Variants in RUNDC1 observed in about 807,000 individuals in gnomAD.
The protein encoded by RUNDC1 is RUN domain containing 1, also known as RUN domain-containing protein 1.
A neutral mutation model predicts 49.3 loss-of-function variants in RUNDC1; 31 were observed. That is an observed-to-expected ratio of 0.63 (90% CI 0.47 to 0.85). The LOEUF (loss-of-function observed/expected upper bound fraction) is 0.85. RUNDC1 is among the 40% of genes least tolerant of loss of function. The pLI is 0.00. For synonymous variants in RUNDC1, 347 were observed against 348.6 expected (o/e 1.00, Z 0.05); for missense variants, 715 against 806.7 (o/e 0.89, Z 1.38).
At position 42,989,542 on chromosome 17, in the gene RUNDC1, TAGA is replaced by T. The variant is rs1192158553; in HGVS notation, c.856+4_856+6del. ...GATGTTTATCAACTTCATCCAAGGT[TAGA>T]GGAGGGGATGGGATGAGAAGGGTGG... On this transcript the variant is annotated splice_donor_5th_base_variant and intron_variant, in intron 3 of 4. Coordinates refer to ENST00000361677, the MANE Select transcript of RUNDC1 (RefSeq NM_173079.5). 1.2e-6 allele frequency: 2 copies of T among 1,613,186 alleles called. No homozygotes were observed. The highest frequency in any genetic ancestry group is 1.7e-6 in the Non-Finnish European group (2 of 1,179,152).
At chr17:42,987,171 G>A in intron 1 of RUNDC1, 85 bp from the exon 2 acceptor site, 1 of 871,974 alleles carries the variant, frequency 1.1e-6, no homozygotes, top group South Asian at 1.6e-5. Context: ...ATATTTTATT[G>A]GTCATTACTG....
In RUNDC1 at chr17:42,992,058, C is replaced by CA; in HGVS notation, c.*349dup. On this transcript the variant is annotated 3_prime_UTR_variant, in exon 5 of 5. Transcript: ENST00000361677. ...TGAAACCCCATCTCTACTAAAAATA[C>CA]AAAAAAATTAGTCGGACATGGTGGC... 1 of 207,132 alleles carries CA rather than the reference C, an allele frequency of 4.8e-6. No homozygotes were observed. Among genetic ancestry groups the CA allele is most frequent in the Non-Finnish European group, 9.9e-6 (1 of 101,138 alleles). 12.8% of individuals were successfully genotyped at this position (207,132 alleles called of 1,614,324 possible). A position where few individuals can be genotyped will look rare whatever the true frequency, so the allele number is the denominator to read the frequency against.
intron 1 of RUNDC1, among the ~76,000 whole-genome samples, chr17:42,987,000 A>C (rs2050180429): frequency 3.3e-5 from 5 of 152,230 alleles, no homozygotes; most frequent in Admixed American, 2.6e-4. Flanking sequence ...GGCAGTCTTA[A>C]CAAAAAGCCT....
In RUNDC1 at chr17:42,987,272, A is replaced by G. The variant is rs781505914; in HGVS notation, c.515A>G (p.Gln172Arg). ...TTGCCTTAGAGTGAGCAGGAAAAGCAAGAGCGTCTGGAAACCCAAAGGGAG... is the reference window on the plus strand; with the variant it reads ...TTGCCTTAGAGTGAGCAGGAAAAGCGAGAGCGTCTGGAAACCCAAAGGGAG... ...RGEDQSEQEK[Q>R]ERLETQREKQ... The change falls in exon 2 of 5, where the codon CAA (glutamine) becomes CGA (arginine). Residue 172 changes from glutamine to arginine, a missense_variant. Transcript: ENST00000361677. 1 of 1,614,158 alleles carries G rather than the reference A, an allele frequency of 6.2e-7. No homozygotes were observed. Among genetic ancestry groups the G allele is most frequent in the Non-Finnish European group, 8.5e-7 (1 of 1,180,006 alleles).
rs2050070525 is a variant in RUNDC1 at position 42,980,918 on chromosome 17, G to C, written c.342G>C (p.Gly114=). The C allele has an allele frequency of 2.0e-6, 3 of 1,530,910 alleles. No individual in the cohort carries two copies. The highest frequency in any genetic ancestry group is 2.6e-6 in the Non-Finnish European group (3 of 1,145,340). The allele number at this position is 1,530,910 out of a possible 1,614,324, so 94.8% of individuals were successfully genotyped here. ...VQFRLRQVVR[G]APAEQQRLLR... is the part of the protein sequence containing the mutation. Reference sequence around the variant, plus strand: ...TCCGCCTGCGCCAGGTGGTGCGCGGGGCGCCGGCGGAGCAGCAGCGCCTTC... The same window carrying C: ...TCCGCCTGCGCCAGGTGGTGCGCGGCGCGCCGGCGGAGCAGCAGCGCCTTC... The change falls in exon 1 of 5, where the codon GGG becomes GGC. Residue 114 remains glycine, a synonymous_variant. Coordinates refer to ENST00000361677, the MANE Select transcript of RUNDC1 (RefSeq NM_173079.5).
Position 42,993,222 on chromosome 17 carries a change from T to A in RUNDC1, c.*1506T>A, listed in dbSNP as rs1195722965. On this transcript the variant is annotated 3_prime_UTR_variant, in exon 5 of 5. Transcript: ENST00000361677. ...GCTGTTTCCAGAACGGGGAGGAGTA[T>A]CTCATTGTGAAACAGACTCTAGAGT... The A allele has an allele frequency of 6.6e-6, 1 of 152,126 alleles. No homozygotes were observed. The allele number at this position is 152,126 out of a possible 1,614,324, so 9.4% of individuals were successfully genotyped here.
chr17:42,993,571 A>G lies in RUNDC1; in HGVS notation c.*1855A>G, dbSNP rs1318869004. ...GGAAAATGATACATATGTGGATGCTAATGAAATCATAGTATTTTGTGTAGC... is the reference window on the plus strand; with the variant it reads ...GGAAAATGATACATATGTGGATGCTGATGAAATCATAGTATTTTGTGTAGC... On this transcript the variant is annotated 3_prime_UTR_variant, in exon 5 of 5. Coordinates refer to ENST00000361677, the MANE Select transcript of RUNDC1 (RefSeq NM_173079.5). 6.6e-6 allele frequency: 1 copy of G among 152,230 alleles called. No homozygotes were observed. The highest frequency in any genetic ancestry group is 1.9e-4 in the East Asian group (1 of 5,200). 9.4% of individuals were successfully genotyped at this position (152,230 alleles called of 1,614,324 possible). A position where few individuals can be genotyped will look rare whatever the true frequency, so the allele number is the denominator to read the frequency against.
Position 42,994,301 on chromosome 17 carries a change from A to G in RUNDC1, c.*2585A>G, listed in dbSNP as rs747126629. On this transcript the variant is annotated 3_prime_UTR_variant, in exon 5 of 5. Coordinates refer to ENST00000361677, the MANE Select transcript of RUNDC1 (RefSeq NM_173079.5). ...ACTTGTATTAAGGCTTTGTGCTAGC[A>G]TTACAGGAAGCATTTTCATTTGTCT... Among the ~76,000 whole-genome samples the G allele has an allele frequency of 2.6e-5, 4 of 152,220 alleles. No homozygotes were observed. Among genetic ancestry groups the G allele is most frequent in the Non-Finnish European group, 5.9e-5 (4 of 68,040 alleles).
intron 1 of RUNDC1, among the ~76,000 whole-genome samples, chr17:42,984,012 C>G (rs1318346464): frequency 6.6e-6 from 1 of 151,892 alleles, no homozygotes; most frequent in Non-Finnish European, 1.5e-5. Context: ...CTCTGTTGCC[C>G]AGGCTGGTGT....
chr17:42,985,596 T>G, intron 1 of RUNDC1: 3 of 432,420 alleles, frequency 6.9e-6, no homozygotes, highest in Non-Finnish European at 5.5e-6. Flanking sequence ...GTTAATTTGT[T>G]GTTTTCTTTT....
rs34886583 is a variant in RUNDC1, at chr17:42,987,278, G to A, written c.521G>A (p.Arg174His). ...TAGAGTGAGCAGGAAAAGCAAGAGCGTCTGGAAACCCAAAGGGAGAAGCAG... is the reference window on the plus strand; with the variant it reads ...TAGAGTGAGCAGGAAAAGCAAGAGCATCTGGAAACCCAAAGGGAGAAGCAG... The part of the protein sequence containing the change: ...EDQSEQEKQE[R>H]LETQREKQKE... Residue 174 changes from arginine to histidine, a missense_variant, in exon 2 of 5, where the codon CGT becomes CAT. This residue lies in a region of RUNDC1 where 113 missense variants were observed against 93.4 expected (regional missense o/e 1.21). Coordinates refer to ENST00000361677, the MANE Select transcript of RUNDC1 (RefSeq NM_173079.5). The A allele has an allele frequency of 8.4e-3, 13,510 of 1,614,002 alleles. 82 individuals are homozygous for A. Among genetic ancestry groups the A allele is most frequent in the Non-Finnish European group, 0.01 (11,826 of 1,179,956 alleles).
chr17:42,981,156 A>C, intron 1 of RUNDC1, 82 bp downstream of exon 1: 1 of 1,445,164 alleles, frequency 6.9e-7, no homozygotes, highest in Non-Finnish European at 9.1e-7. Flanking sequence ...ATGATGGTGC[A>C]TGCGGGGAGA....
At chr17:42,983,821 G>A (rs1429614832) in intron 1 of RUNDC1, among the ~76,000 whole-genome samples, 4 of 150,054 alleles carry the variant, frequency 2.7e-5, no homozygotes, top group Non-Finnish European at 4.4e-5. Context: ...ACAGGTGCCC[G>A]TCACCACGCC....
chr17:42,990,984 G>A lies in RUNDC1; in HGVS notation c.1110G>A (p.Gln370=). ...GCCAGATCCCTCCAACCCTGTGGCAGAGGGTCCAGGCTGACAGAGACTACT... is the reference window on the plus strand; with the variant it reads ...GCCAGATCCCTCCAACCCTGTGGCAAAGGGTCCAGGCTGACAGAGACTACT... ...ATGQIPPTLW[Q]RVQADRDYSP... is the part of the protein sequence containing the mutation. Residue 370 remains glutamine (Q), a synonymous_variant, in exon 5 of 5, where the codon CAG becomes CAA. Transcript: ENST00000361677. 1 of 1,614,214 alleles carries A rather than the reference G, an allele frequency of 6.2e-7. No individual in the cohort carries two copies. The highest frequency in any genetic ancestry group is 1.7e-5 in the Admixed American group (1 of 60,028).
chr17:42,984,360 A>C (rs1010427353), intron 1 of RUNDC1, among the ~76,000 whole-genome samples: 5 of 149,858 alleles, frequency 3.3e-5, no homozygotes, highest in Admixed American at 6.7e-5. Context: ...AGCTCACTGC[A>C]ACCTCCACCT....
rs1043580883 is a variant in RUNDC1, at chr17:42,981,293, G to T, written c.498+219G>T. On this transcript the variant is annotated intron_variant, in intron 1 of 4. Transcript: ENST00000361677. ...GTGAGCGGTGTGCACGGAGGATGTGGAGAGATGTCGGTGCGTGATGACGTG... is the reference window on the plus strand; with the variant it reads ...GTGAGCGGTGTGCACGGAGGATGTGTAGAGATGTCGGTGCGTGATGACGTG... The T allele has an allele frequency of 2.2e-5, 13 of 585,924 alleles. No homozygotes were observed. The African/African-American group carries it at 2.6e-4, about 12-fold the overall frequency. The allele number at this position is 585,924 out of a possible 1,614,324, so 36.3% of individuals were successfully genotyped here.
chr17:42,987,913 G>C (rs1261735668), intron 2 of RUNDC1, among the ~76,000 whole-genome samples: 4 of 151,754 alleles, frequency 2.6e-5, no homozygotes, highest in African/African-American at 9.7e-5. Context: ...CCACCATGCT[G>C]GGCTAATTTT....
At position 42,989,322 on chromosome 17, in the gene RUNDC1, T is replaced by C. The variant is rs775961681; in HGVS notation, c.658-19T>C. On this transcript the variant is annotated intron_variant, in intron 2 of 4. Transcript: ENST00000361677. ...CTAAAAATTCCAAAGGGTGTGCTCATTGCTTGTGATCTTGGTAGGTGATCA... is the reference window on the plus strand; with the variant it reads ...CTAAAAATTCCAAAGGGTGTGCTCACTGCTTGTGATCTTGGTAGGTGATCA... The C allele has an allele frequency of 4.2e-5, 67 of 1,605,900 alleles. No individual in the cohort carries two copies. Among genetic ancestry groups the C allele is most frequent in the Non-Finnish European group, 5.5e-5 (64 of 1,173,472 alleles).
chr17:42,987,251 CT>C lies in RUNDC1; in HGVS notation c.499-3del. The C allele has an allele frequency of 6.2e-7, 1 of 1,613,688 alleles. No individual in the cohort carries two copies. The highest frequency in any genetic ancestry group is 8.5e-7 in the Non-Finnish European group (1 of 1,179,740). On this transcript the variant is annotated splice_region_variant and splice_polypyrimidine_tract_variant and intron_variant, in intron 1 of 4. Transcript: ENST00000361677. ...ATAATAGACCCAATTATTTTCTTGC[CT>C]TAGAGTGAGCAGGAAAAGCAAGAGC...
Sources: allele counts gnomAD v4.1 joint callset (sites outside exome capture counted in the v4.1 genomes callset), GRCh38; gene constraint gnomAD v4.1.1; regional missense constraint gnomAD v4.1.1; transcripts MANE v1.5; gene names NCBI Gene and HGNC (gene_info 2026-07-23, HGNC 2026-07-21).